Variants in HHAT observed in about 807,000 individuals in gnomAD.
HHAT encodes the protein hedgehog acyltransferase.
A neutral mutation model predicts 70.8 loss-of-function variants in HHAT; 47 were observed. The ratio of observed to expected loss-of-function variants is 0.66; its 90% CI spans 0.53 to 0.85. HHAT has a LOEUF of 0.85. Ranked by LOEUF, HHAT falls within the 40% of genes least tolerant of loss-of-function variation. The pLI is 0.00. For synonymous variants in HHAT, 228 were observed against 247.6 expected (o/e 0.92, Z 0.74); for missense variants, 609 against 604.8 (o/e 1.01, Z -0.07).
chr1:210,640,424 G>A (rs1274769965), intron 11 of HHAT, among the ~76,000 whole-genome samples: 1 of 152,092 alleles, frequency 6.6e-6, no homozygotes, highest in Non-Finnish European at 1.5e-5. Flanking sequence ...GATGTTAGTT[G>A]TAATGAAAAC....
chr1:210,526,798 A>G (rs189233181), intron 9 of HHAT, among the ~76,000 whole-genome samples: 2 of 152,342 alleles, frequency 1.3e-5, no homozygotes, highest in Admixed American at 6.5e-5. Flanking sequence ...TACAGTAGCT[A>G]TTAATCACTC....
chr1:210,332,923 A>T (rs927299859), intron 1 of HHAT, among the ~76,000 whole-genome samples: 1 of 152,100 alleles, frequency 6.6e-6, no homozygotes, highest in African/African-American at 2.4e-5. Context: ...CTTACCAGTG[A>T]TGTTTGTTTT....
intron 9 of HHAT, among the ~76,000 whole-genome samples, chr1:210,535,026 C>A (rs2095355987): frequency 1.3e-5 from 2 of 152,124 alleles, no homozygotes; most frequent in African/African-American, 4.8e-5. Context: ...GGCTTTGCAT[C>A]CACATTTTCT....
chr1:210,598,833 T>A (rs1663604544), intron 10 of HHAT, among the ~76,000 whole-genome samples: 1 of 152,248 alleles, frequency 6.6e-6, no homozygotes, highest in Non-Finnish European at 1.5e-5. Context: ...AGTTTTTATG[T>A]GTAGCTAGTT....
chr1:210,572,130 C>T (rs1259140852), intron 9 of HHAT, among the ~76,000 whole-genome samples: 1 of 152,196 alleles, frequency 6.6e-6, no homozygotes, highest in African/African-American at 2.4e-5. Context: ...TGCCCAAGCT[C>T]AAGCATTATC....
chr1:210,544,999 A>G (rs1206066587), intron 9 of HHAT, among the ~76,000 whole-genome samples: 1 of 152,046 alleles, frequency 6.6e-6, no homozygotes, highest in Non-Finnish European at 1.5e-5. Flanking sequence ...TATCTGGGCA[A>G]CTGAAGTAGT....
intron 11 of HHAT, among the ~76,000 whole-genome samples, chr1:210,653,871 G>C (rs2148941011): frequency 5.4e-3 from 1 of 184 alleles, no homozygotes; most frequent in South Asian, 0.12. Flanking sequence ...GAAACCACCA[G>C]AAGGTGTGCC....
chr1:210,518,404 AAAT>A (rs1358355798), intron 9 of HHAT, among the ~76,000 whole-genome samples: 1 of 152,230 alleles, frequency 6.6e-6, no homozygotes, highest in East Asian at 1.9e-4. Context: ...ACGTTGTCAC[AAAT>A]AACAGGATTT....
At chr1:210,341,868 A>G (rs892794514) in intron 1 of HHAT, among the ~76,000 whole-genome samples, 2 of 152,040 alleles carry the variant, frequency 1.3e-5, no homozygotes, top group African/African-American at 4.8e-5. Flanking sequence ...AAAGCTCCCT[A>G]TTCCTCCAGT....
At chr1:210,520,334 G>A (rs986541487) in intron 9 of HHAT, among the ~76,000 whole-genome samples, 1 of 152,030 alleles carries the variant, frequency 6.6e-6, no homozygotes, top group Admixed American at 6.6e-5. Flanking sequence ...TTTTAATTGG[G>A]GAATTTAATC....
Position 210,362,386 on chromosome 1 carries a change from C to T in HHAT, c.92-466C>T, listed in dbSNP as rs559165379. Among the ~76,000 whole-genome samples, 4 of 152,214 alleles carry T rather than the reference C, an allele frequency of 2.6e-5. No individual in the cohort carries two copies. The East Asian group carries it at 7.7e-4, about 29-fold the overall frequency. On this transcript the variant is annotated intron_variant, in intron 2 of 11. Coordinates refer to ENST00000261458, the MANE Select transcript of HHAT (RefSeq NM_018194.6). ...CATTCTCCTGACCATGCCACCACAC[C>T]TGGCTAATTTTTGTATTTTTAGTAG...
At chr1:210,395,231 A>G (rs926582) in intron 4 of HHAT, among the ~76,000 whole-genome samples, 34,861 of 152,082 alleles carry the variant, frequency 0.23, 4,435 homozygotes, top group African/African-American at 0.34. Flanking sequence ...TCCTCCCTAC[A>G]GAGGTAAACT....
At chr1:210,558,400 C>T (rs1030510767) in intron 9 of HHAT, among the ~76,000 whole-genome samples, 1 of 152,164 alleles carries the variant, frequency 6.6e-6, no homozygotes, top group Admixed American at 6.5e-5. Flanking sequence ...GCTTCTTTCT[C>T]TTGTTACTTT....
chr1:210,469,983 C>T (rs941776104), intron 8 of HHAT, among the ~76,000 whole-genome samples: 1 of 152,090 alleles, frequency 6.6e-6, no homozygotes, highest in Non-Finnish European at 1.5e-5. Flanking sequence ...CTAATGCACT[C>T]CCTCCTTTTC....
At chr1:210,529,529 C>T (rs12129347) in intron 9 of HHAT, among the ~76,000 whole-genome samples, 28,523 of 152,110 alleles carry the variant, frequency 0.19, 3,293 homozygotes, top group Middle Eastern at 0.28. Context: ...TCTAGCCTTA[C>T]GTACTCTGCC....
chr1:210,521,501 G>C (rs1215222052), intron 9 of HHAT, among the ~76,000 whole-genome samples: 1 of 152,174 alleles, frequency 6.6e-6, no homozygotes, highest in Non-Finnish European at 1.5e-5. Context: ...TTGGCATTTT[G>C]AGTTTTGTGA....
chr1:210,471,310 A>G (rs1163096633), intron 8 of HHAT, among the ~76,000 whole-genome samples: 1 of 152,094 alleles, frequency 6.6e-6, no homozygotes, highest in Non-Finnish European at 1.5e-5. Flanking sequence ...TTTATTTGAG[A>G]ATGGCTTTGC....
At chr1:210,490,665 G>A (rs1350057206) in intron 8 of HHAT, among the ~76,000 whole-genome samples, 1 of 152,156 alleles carries the variant, frequency 6.6e-6, no homozygotes, top group African/African-American at 2.4e-5. Flanking sequence ...TTTTCACAAA[G>A]GGAACGAAAG....
intron 10 of HHAT, among the ~76,000 whole-genome samples, chr1:210,594,510 A>G (rs1662491908): frequency 6.7e-6 from 1 of 149,434 alleles, no homozygotes; most frequent in Non-Finnish European, 1.5e-5. Flanking sequence ...TCATTGTACT[A>G]TCTATGTCTT....
Sources: gnomAD v4.1 joint callset for allele counts (sites outside exome capture counted in the v4.1 genomes callset) on GRCh38, gnomAD v4.1.1 for gene constraint, MANE v1.5 for transcripts, NCBI Gene and HGNC (gene_info 2026-07-23, HGNC 2026-07-21) for gene names.